KIF16B: variants seen among roughly 807,000 people sequenced by gnomAD.
KIF16B encodes kinesin family member 16B, also known as kinesin-like protein KIF16B.
KIF16B carries 98 observed loss-of-function variants against 156.3 expected under a neutral mutation model. The ratio of observed to expected loss-of-function variants is 0.63; its 90% CI spans 0.53 to 0.74. The LOEUF (loss-of-function observed/expected upper bound fraction) is 0.74. Ranked by LOEUF, KIF16B falls within the 30% of genes least tolerant of loss-of-function variation. The probability of loss-of-function intolerance (pLI) is 0.00; values close to 1 mark genes in which losing one functional copy is unlikely to be tolerated. For missense variants in KIF16B, 1,421 were observed against 1,606.5 expected (o/e 0.88, Z 1.97); for synonymous variants, 564 against 583.7 (o/e 0.97, Z 0.49).
chr20:16,382,156 AG>A, intron 17 of KIF16B: 6 of 1,316,426 alleles, frequency 4.6e-6, no homozygotes, highest in South Asian at 1.2e-5. Flanking sequence ...AGAGAGAGAG[AG>A]AAAGAGAGAG....
intron 12 of KIF16B, among the ~76,000 whole-genome samples, chr20:16,451,130 G>A (rs928865178): frequency 2.6e-5 from 4 of 152,168 alleles, no homozygotes; most frequent in African/African-American, 7.2e-5. Flanking sequence ...TAGAATGTAC[G>A]TCTGGAAAAT....
chr20:16,433,639 T>G (rs1023523478), intron 12 of KIF16B, among the ~76,000 whole-genome samples: 2 of 151,194 alleles, frequency 1.3e-5, no homozygotes, highest in Admixed American at 6.6e-5. Context: ...TCACATACAC[T>G]TCCATATATA....
intron 15 of KIF16B, among the ~76,000 whole-genome samples, chr20:16,407,600 C>CT (rs2065818421): frequency 1.3e-5 from 2 of 152,138 alleles, no homozygotes; most frequent in South Asian, 4.1e-4. Context: ...AGAGTCTAAG[C>CT]TATAGAAAGG....
chr20:16,288,978 G>C (rs1213401339), intron 25 of KIF16B, among the ~76,000 whole-genome samples: 1 of 89,368 alleles, frequency 1.1e-5, no homozygotes, highest in Non-Finnish European at 2.2e-5. Context: ...CTCCACTTAT[G>C]ATGGGATCCC....
rs911165433 is a variant in KIF16B at position 16,407,087 on chromosome 20, C to T, written c.1613-631G>A. ...TTGACTGATGACAGTCTTCCTTATT[C>T]AGAAAACAACTGCACAAGGGGCAAA... On this transcript the variant is annotated intron_variant, in intron 15 of 25. Coordinates refer to ENST00000354981, the MANE Select transcript of KIF16B (RefSeq NM_024704.5). Among the ~76,000 whole-genome samples, 15 of 152,244 alleles carry T rather than the reference C, an allele frequency of 9.9e-5. 1 individual carries two copies. The highest frequency in any genetic ancestry group is 9.8e-4 in the Admixed American group (15 of 15,294).
intron 12 of KIF16B, among the ~76,000 whole-genome samples, chr20:16,441,123 A>G (rs2066788473): frequency 6.6e-6 from 1 of 152,210 alleles, no homozygotes; most frequent in Admixed American, 6.6e-5. Flanking sequence ...AGATTCTAAA[A>G]GGGCATTTTC....
chr20:16,335,679 T>C (rs754571619), intron 24 of KIF16B, among the ~76,000 whole-genome samples: 11 of 152,220 alleles, frequency 7.2e-5, no homozygotes, highest in African/African-American at 2.4e-4. Flanking sequence ...CTTACTGTCA[T>C]TGTAATATCA....
intron 1 of KIF16B, among the ~76,000 whole-genome samples, chr20:16,544,607 CAAAAAAAAAAA>C (rs11472848): frequency 5.6e-4 from 36 of 64,636 alleles, no homozygotes; most frequent in African/African-American, 2.2e-3. Flanking sequence ...AAAGCCATCT[CAAAAAAAAAAA>C]AAAAAAAAAA....
At chr20:16,496,084 C>G (rs2068443840) in intron 11 of KIF16B, among the ~76,000 whole-genome samples, 1 of 152,188 alleles carries the variant, frequency 6.6e-6, no homozygotes, top group African/African-American at 2.4e-5. Flanking sequence ...GTGATACCAA[C>G]CCTACAGACT....
At chr20:16,455,591 G>C (rs1375489804) in intron 12 of KIF16B, among the ~76,000 whole-genome samples, 2 of 152,010 alleles carry the variant, frequency 1.3e-5, no homozygotes, top group African/African-American at 4.8e-5. Flanking sequence ...AATAGTTCAT[G>C]GGCACTAAAG....
chr20:16,290,676 C>G (rs763551602), intron 25 of KIF16B, among the ~76,000 whole-genome samples: 1 of 152,166 alleles, frequency 6.6e-6, no homozygotes, highest in African/African-American at 2.4e-5. Flanking sequence ...GAGTCAGGGT[C>G]AAGCCCTAGG....
chr20:16,371,102 AG>A (rs1467357455), intron 21 of KIF16B, among the ~76,000 whole-genome samples: 5 of 150,268 alleles, frequency 3.3e-5, no homozygotes, highest in African/African-American at 1.2e-4. Flanking sequence ...ATCACTTAAA[AG>A]TTGTCATAAT....
chr20:16,351,871 C>T (rs1743096451), intron 23 of KIF16B, among the ~76,000 whole-genome samples: 1 of 152,182 alleles, frequency 6.6e-6, no homozygotes, highest in South Asian at 2.1e-4. Context: ...TTAAAACAAA[C>T]ACCAACAGGA....
At chr20:16,492,972 A>T (rs79530306) in intron 12 of KIF16B, among the ~76,000 whole-genome samples, 6,144 of 152,276 alleles carry the variant, frequency 0.04, 169 homozygotes, top group South Asian at 0.091. Flanking sequence ...AAACAACAAC[A>T]AAGTCACATA....
At chr20:16,364,231 C>T (rs971005751) in intron 22 of KIF16B, among the ~76,000 whole-genome samples, 1 of 152,168 alleles carries the variant, frequency 6.6e-6, no homozygotes, top group Non-Finnish European at 1.5e-5. Context: ...ATCCTGCCAA[C>T]CACAAGTCTG....
intron 12 of KIF16B, among the ~76,000 whole-genome samples, chr20:16,462,879 A>C (rs1269577223): frequency 6.6e-6 from 1 of 152,174 alleles, no homozygotes; most frequent in Non-Finnish European, 1.5e-5. Flanking sequence ...TCCACCTTCC[A>C]TTTTCTTTGT....
intron 12 of KIF16B, among the ~76,000 whole-genome samples, chr20:16,482,592 C>T (rs1487038110): frequency 6.6e-6 from 1 of 152,062 alleles, no homozygotes; most frequent in Non-Finnish European, 1.5e-5. Flanking sequence ...TGTTGTGTGC[C>T]ATTCTTCAGT....
chr20:16,540,916 C>T (rs938740166), intron 1 of KIF16B, among the ~76,000 whole-genome samples: 4 of 152,188 alleles, frequency 2.6e-5, no homozygotes, highest in Admixed American at 6.5e-5. Flanking sequence ...GGTTTGCACT[C>T]ATCAAGGGCT....
intron 15 of KIF16B, among the ~76,000 whole-genome samples, chr20:16,407,602 A>C (rs2065818491): frequency 1.3e-5 from 2 of 152,228 alleles, no homozygotes; most frequent in South Asian, 4.1e-4. Context: ...AGTCTAAGCT[A>C]TAGAAAGGAG....
Sources: allele counts gnomAD v4.1 joint callset (sites outside exome capture counted in the v4.1 genomes callset), GRCh38; gene constraint gnomAD v4.1.1; transcripts MANE v1.5; gene names NCBI Gene and HGNC (gene_info 2026-07-23, HGNC 2026-07-21).